The following RHOJ variants were observed in gnomAD, a reference collection of about 807,000 sequenced individuals.
The protein encoded by RHOJ is rho-related GTP-binding protein RhoJ.
Under a neutral mutation model 23.4 loss-of-function variants are expected in RHOJ, and 11 were observed. The ratio of observed to expected loss-of-function variants is 0.47; its 90% CI spans 0.30 to 0.78. The LOEUF (loss-of-function observed/expected upper bound fraction) is 0.78, where lower values mean the gene tolerates loss of function less well. RHOJ is among the 30% of genes least tolerant of loss of function. The pLI, the probability that RHOJ is intolerant of heterozygous loss-of-function variation, is 0.08. For missense variants in RHOJ, 254 were observed against 273.4 expected (o/e 0.93, Z 0.50); for synonymous variants, 102 against 102.7 (o/e 0.99, Z 0.04).
At chr14:63,244,600 G>A (rs376453405) in intron 1 of RHOJ, among the ~76,000 whole-genome samples, 2 of 152,078 alleles carry the variant, frequency 1.3e-5, no homozygotes, top group East Asian at 1.9e-4. Context: ...AAAGGGTAAC[G>A]TTCTGTTGAA....
chr14:63,284,971 G>C (rs1445617526), intron 4 of RHOJ, among the ~76,000 whole-genome samples: 1 of 152,172 alleles, frequency 6.6e-6, no homozygotes, highest in African/African-American at 2.4e-5. Flanking sequence ...GATACAGACG[G>C]AATCATGTTT....
chr14:63,274,533 C>T (rs1385244594), intron 2 of RHOJ, among the ~76,000 whole-genome samples: 3 of 152,152 alleles, frequency 2.0e-5, no homozygotes, highest in South Asian at 4.1e-4. Flanking sequence ...TCAGCCCTGG[C>T]ATCCAATAAG....
intron 1 of RHOJ, among the ~76,000 whole-genome samples, chr14:63,237,304 T>A (rs1051592278): frequency 6.6e-6 from 1 of 152,174 alleles, no homozygotes; most frequent in African/African-American, 2.4e-5. Flanking sequence ...CTAGAAAGCA[T>A]GATCTGACAA....
chr14:63,278,184 T>A (rs996952482), intron 2 of RHOJ, among the ~76,000 whole-genome samples: 6 of 152,178 alleles, frequency 3.9e-5, no homozygotes, highest in African/African-American at 1.4e-4. Context: ...CTTTTCAGCA[T>A]CATTGCCCTC....
chr14:63,266,215 G>T (rs775059177), intron 1 of RHOJ, among the ~76,000 whole-genome samples: 3 of 152,182 alleles, frequency 2.0e-5, no homozygotes, highest in Non-Finnish European at 4.4e-5. Context: ...TTCATGTGAT[G>T]CTATACTAGA....
chr14:63,275,086 C>G (rs1193453001), intron 2 of RHOJ, among the ~76,000 whole-genome samples: 2 of 152,108 alleles, frequency 1.3e-5, no homozygotes, highest in Non-Finnish European at 2.9e-5. Context: ...TTCTTGGGCT[C>G]CATTCCAGTC....
chr14:63,233,388 C>T (rs1484117996), intron 1 of RHOJ, among the ~76,000 whole-genome samples: 1 of 151,932 alleles, frequency 6.6e-6, no homozygotes, highest in Non-Finnish European at 1.5e-5. Flanking sequence ...GTGATTCTAC[C>T]GAAAACTATT....
intron 1 of RHOJ, among the ~76,000 whole-genome samples, chr14:63,255,582 C>A (rs1216512666): frequency 7.9e-6 from 1 of 127,388 alleles, no homozygotes; most frequent in South Asian, 3.0e-4. Context: ...CCCAGCCTTA[C>A]CCTCCCCCAC....
At chr14:63,244,938 A>C (rs1894949999) in intron 1 of RHOJ, among the ~76,000 whole-genome samples, 1 of 152,224 alleles carries the variant, frequency 6.6e-6, no homozygotes, top group Non-Finnish European at 1.5e-5. Flanking sequence ...ACGTGTGTTC[A>C]CACACTCCAA....
chr14:63,273,951 C>G (rs1881629739), intron 2 of RHOJ, among the ~76,000 whole-genome samples: 1 of 152,236 alleles, frequency 6.6e-6, no homozygotes, highest in South Asian at 2.1e-4. Context: ...AGCAGCTCAG[C>G]TGTCACCAGT....
At chr14:63,231,913 T>C (rs1566611815) in intron 1 of RHOJ, among the ~76,000 whole-genome samples, 1 of 152,202 alleles carries the variant, frequency 6.6e-6, no homozygotes, top group African/African-American at 2.4e-5. Flanking sequence ...TAATACAAAA[T>C]GTCCACAAAC....
At chr14:63,250,129 T>C (rs1895043577) in intron 1 of RHOJ, among the ~76,000 whole-genome samples, 1 of 152,130 alleles carries the variant, frequency 6.6e-6, no homozygotes, top group Non-Finnish European at 1.5e-5. Flanking sequence ...CATCATCTTT[T>C]CCCTGGGCCA....
chr14:63,285,411 T>C (rs954283466), intron 4 of RHOJ, among the ~76,000 whole-genome samples: 5 of 152,062 alleles, frequency 3.3e-5, no homozygotes, highest in African/African-American at 1.2e-4. Flanking sequence ...TGTGCAAAGT[T>C]CCCCCCCAAC....
chr14:63,208,514 T>C (rs1442313996), intron 1 of RHOJ, among the ~76,000 whole-genome samples: 1 of 152,212 alleles, frequency 6.6e-6, no homozygotes, highest in South Asian at 2.1e-4. Flanking sequence ...GTCCTCCTCT[T>C]GATCTCTTGG....
intron 1 of RHOJ, among the ~76,000 whole-genome samples, chr14:63,267,975 C>T (rs1427584714): frequency 1.3e-5 from 2 of 152,164 alleles, no homozygotes; most frequent in African/African-American, 2.4e-5. Flanking sequence ...GCCCATGAAC[C>T]TGAAAAGAAA....
intron 1 of RHOJ, among the ~76,000 whole-genome samples, chr14:63,212,395 A>G (rs1894257286): frequency 6.6e-6 from 1 of 152,178 alleles, no homozygotes; most frequent in Non-Finnish European, 1.5e-5. Flanking sequence ...ACATGTAAAA[A>G]AAACTCACTC....
chr14:63,270,049 G>A (rs1394773606), intron 2 of RHOJ, among the ~76,000 whole-genome samples: 1 of 152,082 alleles, frequency 6.6e-6, no homozygotes, highest in Non-Finnish European at 1.5e-5. Flanking sequence ...CAAAATCAGC[G>A]GGTTGTTCAG....
At chr14:63,217,962 C>T (rs1285538727) in intron 1 of RHOJ, among the ~76,000 whole-genome samples, 1 of 152,032 alleles carries the variant, frequency 6.6e-6, no homozygotes, top group African/African-American at 2.4e-5. Context: ...TAGATTACCT[C>T]TTTTTCTTTT....
intron 2 of RHOJ, among the ~76,000 whole-genome samples, chr14:63,277,732 G>A (rs549609058): frequency 2.0e-5 from 3 of 152,186 alleles, no homozygotes; most frequent in Non-Finnish European, 4.4e-5. Context: ...ATGGGAGCAT[G>A]CAGTGGCAGA....
Sources: allele counts gnomAD v4.1 joint callset (sites outside exome capture counted in the v4.1 genomes callset), GRCh38; gene constraint gnomAD v4.1.1; transcripts MANE v1.5; gene names NCBI Gene and HGNC (gene_info 2026-07-23, HGNC 2026-07-21).